Variants in ANKS1B observed in about 807,000 individuals in gnomAD.
ANKS1B encodes the protein ankyrin repeat and sterile alpha motif domain containing 1B, also known as ankyrin repeat and sterile alpha motif domain-containing protein 1B.
In ANKS1B, 36 loss-of-function variants were observed where a neutral mutation model predicts 148.3. That is an observed-to-expected ratio of 0.24 (90% confidence interval 0.19 to 0.32). The LOEUF (loss-of-function observed/expected upper bound fraction) is 0.32. Among genes scored for constraint, ANKS1B ranks in the 10% least tolerant of loss-of-function variants. The pLI is 1.00. For synonymous variants in ANKS1B, 542 were observed against 560.8 expected, an observed-to-expected ratio of 0.97 and a Z score of 0.47; for missense variants, 1,157 against 1,542.6, an observed-to-expected ratio of 0.75 and a Z score of 4.19.
chr12:99,956,530 CA>C (rs2095326969), intron 1 of ANKS1B, among the ~76,000 whole-genome samples: 1 of 152,118 alleles, frequency 6.6e-6, no homozygotes, highest in African/African-American at 2.4e-5. Flanking sequence ...AATAATGCTA[CA>C]ACACAATCCA....
intron 17 of ANKS1B, among the ~76,000 whole-genome samples, chr12:98,882,901 G>T (rs961995315): frequency 6.6e-6 from 1 of 152,154 alleles, no homozygotes; most frequent in African/African-American, 2.4e-5. Context: ...GAAATACCAT[G>T]CAGTAATGAA....
rs1353628029 is a variant in ANKS1B at position 98,908,926 on chromosome 12, T to TC, written c.2779-76791dup. The stretch of plus-strand genomic sequence containing the variant: ...CAACCTACCCACCGTCATGAAATCT[T>TC]CAGTAAAGGCTGTGTAGCTGACTAA... On this transcript the variant is annotated intron_variant, in intron 17 of 26. Coordinates refer to ENST00000683438, the MANE Select transcript of ANKS1B (RefSeq NM_001352186.2). 5.3e-5 allele frequency among the ~76,000 whole-genome samples: 8 copies of TC among 152,344 alleles called. No homozygotes were observed. In the South Asian group the frequency reaches 1.5e-3, roughly 28 times the overall value.
chr12:98,794,190 G>A (rs1422027517), intron 22 of ANKS1B, among the ~76,000 whole-genome samples: 3 of 151,862 alleles, frequency 2.0e-5, no homozygotes, highest in East Asian at 1.9e-4. Context: ...CCAGGAGTTC[G>A]AGACCAGCCT....
At chr12:99,001,448 A>G (rs1030369023) in intron 17 of ANKS1B, among the ~76,000 whole-genome samples, 26 of 152,192 alleles carry the variant, frequency 1.7e-4, no homozygotes, top group Non-Finnish European at 1.2e-4. Context: ...GTTATTTTAG[A>G]TAAATACCGA....
At chr12:98,874,634 T>C (rs1312244039) in intron 17 of ANKS1B, among the ~76,000 whole-genome samples, 2 of 152,150 alleles carry the variant, frequency 1.3e-5, no homozygotes, top group Non-Finnish European at 2.9e-5. Context: ...AGAGGAAACA[T>C]GGAGATTTAT....
At chr12:98,985,713 C>T (rs940086675) in intron 17 of ANKS1B, among the ~76,000 whole-genome samples, 2 of 151,964 alleles carry the variant, frequency 1.3e-5, no homozygotes, top group Admixed American at 6.6e-5. Flanking sequence ...ATGTTGTAAA[C>T]CTCTCAACAA....
chr12:99,070,518 C>T (rs1438294068), intron 16 of ANKS1B, among the ~76,000 whole-genome samples: 1 of 152,164 alleles, frequency 6.6e-6, no homozygotes, highest in African/African-American at 2.4e-5. Flanking sequence ...AGCTGTATTT[C>T]AGCTGTAATA....
chr12:99,897,894 C>G (rs2093441489), intron 1 of ANKS1B, among the ~76,000 whole-genome samples: 1 of 139,742 alleles, frequency 7.2e-6, no homozygotes, highest in Non-Finnish European at 1.6e-5. Flanking sequence ...ATCCAGCAAA[C>G]AGTTTTCCCA....
At chr12:99,033,631 T>G (rs553821857) in intron 17 of ANKS1B, among the ~76,000 whole-genome samples, 250 of 151,616 alleles carry the variant, frequency 1.6e-3, no homozygotes, top group Middle Eastern at 6.8e-3. Context: ...ACCACTGCAC[T>G]CCAGCCTGGG....
At chr12:99,036,331 T>G (rs2153476056) in intron 17 of ANKS1B, among the ~76,000 whole-genome samples, 1 of 152,178 alleles carries the variant, frequency 6.6e-6, no homozygotes, top group South Asian at 2.1e-4. Flanking sequence ...TTTTTTTTTC[T>G]TAAGCAAAAG....
chr12:99,437,033 T>G (rs1828415446), intron 11 of ANKS1B, among the ~76,000 whole-genome samples: 1 of 152,020 alleles, frequency 6.6e-6, no homozygotes, highest in African/African-American at 2.4e-5. Context: ...TAGGAACATC[T>G]AAAGCCAATT....
chr12:98,963,782 T>C (rs1028434893), intron 17 of ANKS1B, among the ~76,000 whole-genome samples: 8 of 151,992 alleles, frequency 5.3e-5, no homozygotes, highest in Non-Finnish European at 8.8e-5. Context: ...CCAGAACGTA[T>C]AAGGAACCCA....
chr12:98,910,881 T>C (rs1567732866), intron 17 of ANKS1B, among the ~76,000 whole-genome samples: 1 of 152,132 alleles, frequency 6.6e-6, no homozygotes, highest in Non-Finnish European at 1.5e-5. Context: ...GATCTAGCGA[T>C]AGGAAATAAC....
At chr12:99,297,373 T>C (rs191553946) in intron 12 of ANKS1B, among the ~76,000 whole-genome samples, 6 of 152,294 alleles carry the variant, frequency 3.9e-5, no homozygotes, top group African/African-American at 1.2e-4. Context: ...ACAACACAGA[T>C]ACAAAACCTA....
chr12:98,860,823 G>T (rs754067714), intron 17 of ANKS1B, among the ~76,000 whole-genome samples: 2 of 152,118 alleles, frequency 1.3e-5, no homozygotes, highest in Admixed American at 1.3e-4. Flanking sequence ...CATGGCACAC[G>T]TTTACCTATG....
At chr12:99,563,882 C>A (rs935095174) in intron 9 of ANKS1B, among the ~76,000 whole-genome samples, 2 of 152,122 alleles carry the variant, frequency 1.3e-5, no homozygotes, top group African/African-American at 4.8e-5. Context: ...TGTACTATTG[C>A]ATGCACTTTA....
At chr12:99,456,590 G>A (rs1160577744) in intron 10 of ANKS1B, among the ~76,000 whole-genome samples, 1 of 152,004 alleles carries the variant, frequency 6.6e-6, no homozygotes, top group Admixed American at 6.6e-5. Flanking sequence ...CACAACTTCT[G>A]GAAATGAAGG....
At chr12:99,664,612 C>T (rs764126004) in intron 8 of ANKS1B, among the ~76,000 whole-genome samples, 7 of 152,062 alleles carry the variant, frequency 4.6e-5, no homozygotes, top group African/African-American at 7.2e-5. Context: ...GACATGCACC[C>T]ATTTTAAATG....
chr12:98,816,302 A>G (rs553872779), intron 19 of ANKS1B, among the ~76,000 whole-genome samples: 1 of 152,206 alleles, frequency 6.6e-6, no homozygotes, highest in South Asian at 2.1e-4. Flanking sequence ...TTATTTATTT[A>G]TTTGTTTGTT....
Sources: allele counts gnomAD v4.1 joint callset (sites outside exome capture counted in the v4.1 genomes callset), GRCh38; gene constraint gnomAD v4.1.1; transcripts MANE v1.5; gene names NCBI Gene and HGNC (gene_info 2026-07-23, HGNC 2026-07-21).